Variants in FRMD3 observed in about 807,000 individuals in gnomAD.
FRMD3 encodes the protein FERM domain-containing protein 3.
A neutral mutation model predicts 70.2 loss-of-function variants in FRMD3; 33 were observed. The observed-to-expected ratio is 0.47, with a 90% CI of 0.36 to 0.63. The LOEUF is 0.63. Among genes scored for constraint, FRMD3 ranks in the 20% least tolerant of loss-of-function variants. The pLI is 0.00. For synonymous variants in FRMD3, 279 were observed against 255.9 expected (o/e 1.09, Z -0.86); for missense variants, 632 against 711.4 (o/e 0.89, Z 1.27).
chr9:83,266,849 T>C (rs1462704681), intron 13 of FRMD3, among the ~76,000 whole-genome samples: 1 of 152,096 alleles, frequency 6.6e-6, no homozygotes, highest in Non-Finnish European at 1.5e-5. Flanking sequence ...TCACCCTCCT[T>C]CCCACTCGTC....
intron 1 of FRMD3, among the ~76,000 whole-genome samples, chr9:83,399,806 T>A (rs1409057363): frequency 6.6e-6 from 1 of 152,130 alleles, no homozygotes; most frequent in East Asian, 1.9e-4. Flanking sequence ...TTTAAAATTG[T>A]TAAAAAGAAA....
intron 5 of FRMD3, among the ~76,000 whole-genome samples, chr9:83,338,815 G>A (rs1470472449): frequency 2.6e-5 from 4 of 152,150 alleles, no homozygotes; most frequent in Non-Finnish European, 1.5e-5. Flanking sequence ...GGCCTAAAGG[G>A]ACCAATGATG....
downstream of FRMD3, among the ~76,000 whole-genome samples, chr9:83,243,697 C>T (rs1210225370): frequency 1.3e-5 from 2 of 152,140 alleles, no homozygotes; most frequent in African/African-American, 2.4e-5. Context: ...AGAGCCTGTA[C>T]TTCTAAGGAC....
chr9:83,251,104 C>G (rs1198428487), intron 13 of FRMD3, among the ~76,000 whole-genome samples: 1 of 152,210 alleles, frequency 6.6e-6, no homozygotes, highest in African/African-American at 2.4e-5. Context: ...CCTACAGGTG[C>G]ATGCAGGCCA....
intron 1 of FRMD3, among the ~76,000 whole-genome samples, chr9:83,409,142 G>C (rs1489825436): frequency 6.6e-6 from 1 of 152,174 alleles, no homozygotes; most frequent in Non-Finnish European, 1.5e-5. Context: ...TCTCCACCAG[G>C]TTCCCAGAAT....
chr9:83,343,163 G>A, intron 5 of FRMD3, 27 bp downstream of exon 5: 1 of 1,482,064 alleles, frequency 6.7e-7, no homozygotes. Flanking sequence ...TGCAAAGGTG[G>A]CGTGGGTGAG....
At chr9:83,289,575 C>G (rs959146605) in intron 13 of FRMD3, among the ~76,000 whole-genome samples, 1 of 152,186 alleles carries the variant, frequency 6.6e-6, no homozygotes, top group Admixed American at 6.5e-5. Flanking sequence ...CAAGCCATAT[C>G]CTTATTATAG....
chr9:83,456,409 C>G (rs1157001690), intron 1 of FRMD3, among the ~76,000 whole-genome samples: 1 of 152,118 alleles, frequency 6.6e-6, no homozygotes, highest in Non-Finnish European at 1.5e-5. Context: ...ATCCACAACA[C>G]AAAACCTAGA....
chr9:83,413,607 G>C (rs1826341127), intron 1 of FRMD3, among the ~76,000 whole-genome samples: 1 of 152,064 alleles, frequency 6.6e-6, no homozygotes, highest in Non-Finnish European at 1.5e-5. Context: ...CTGTAATCTG[G>C]ACTCGCCAAA....
At chr9:83,243,235 T>G (rs1304405206), downstream of FRMD3, 3 of 1,550,018 alleles carry the variant, frequency 1.9e-6, no homozygotes, top group Middle Eastern at 3.4e-4. Flanking sequence ...CAGATGCAGG[T>G]CCAAGAGAAA....
At chr9:83,576,720 T>A in the FRMD3 span, among the ~76,000 whole-genome samples, 1,281 of 152,210 alleles carry the variant, frequency 8.4e-3, 13 homozygotes, top group Middle Eastern at 0.014. Flanking sequence ...TTACCACTTC[T>A]ATTTAACATT....
chr9:83,447,323 A>G (rs1350940859), intron 1 of FRMD3, among the ~76,000 whole-genome samples: 1 of 152,188 alleles, frequency 6.6e-6, no homozygotes, highest in African/African-American at 2.4e-5. Flanking sequence ...GCGCCCGGCC[A>G]GATCAGGGTT....
intron 1 of FRMD3, among the ~76,000 whole-genome samples, chr9:83,438,511 TG>T (rs1423480813): frequency 1.3e-5 from 2 of 152,174 alleles, no homozygotes; most frequent in Non-Finnish European, 2.9e-5. Context: ...GCCATTTTCT[TG>T]CCTCAGCCTC....
chr9:83,353,668 G>A (rs549496966), intron 3 of FRMD3, among the ~76,000 whole-genome samples: 17 of 152,288 alleles, frequency 1.1e-4, no homozygotes, highest in African/African-American at 3.1e-4. Flanking sequence ...TACAGATCTA[G>A]AAAAGTTTGT....
the FRMD3 span, among the ~76,000 whole-genome samples, chr9:83,561,575 C>T: frequency 6.6e-6 from 1 of 152,190 alleles, no homozygotes; most frequent in Non-Finnish European, 1.5e-5. Flanking sequence ...GCTTATTCTA[C>T]ATGATGATCA....
intron 2 of FRMD3, among the ~76,000 whole-genome samples, chr9:83,373,661 C>T (rs1189896481): frequency 9.4e-6 from 1 of 106,268 alleles, no homozygotes; most frequent in East Asian, 2.5e-4. Flanking sequence ...CTTCGACATG[C>T]TGAGAGCTGG....
intron 13 of FRMD3, among the ~76,000 whole-genome samples, chr9:83,289,527 A>G (rs1834335402): frequency 6.6e-6 from 1 of 152,142 alleles, no homozygotes; most frequent in South Asian, 2.1e-4. Flanking sequence ...GTCACTGCAA[A>G]TTGGTTGCTG....
At chr9:83,487,296 T>G (rs2131489467) in intron 1 of FRMD3, among the ~76,000 whole-genome samples, 1 of 152,258 alleles carries the variant, frequency 6.6e-6, no homozygotes, top group South Asian at 2.1e-4. Flanking sequence ...TAAAAGCATT[T>G]CTCATATTTC....
intron 1 of FRMD3, among the ~76,000 whole-genome samples, chr9:83,434,497 C>T (rs12005884): frequency 0.11 from 17,295 of 152,226 alleles, 1,156 homozygotes; most frequent in African/African-American, 0.17. Context: ...TGGCCCATGG[C>T]ACTCACAAGC....
Sources: allele counts gnomAD v4.1 joint callset (sites outside exome capture counted in the v4.1 genomes callset), GRCh38; gene constraint gnomAD v4.1.1; transcripts MANE v1.5; gene names NCBI Gene and HGNC (gene_info 2026-07-23, HGNC 2026-07-21).